The following CTNNBIP1 variants were observed in gnomAD, a reference collection of about 807,000 sequenced individuals.
The protein encoded by CTNNBIP1 is catenin beta interacting protein 1.
A neutral mutation model predicts 11.8 loss-of-function variants in CTNNBIP1; 7 were observed. That is an observed-to-expected ratio of 0.60 (90% CI 0.34 to 1.12). The LOEUF (loss-of-function observed/expected upper bound fraction) is 1.12. Among genes scored for constraint, CTNNBIP1 ranks in the 50% most tolerant of loss-of-function variants. The probability of loss-of-function intolerance (pLI) is 0.03; values close to 1 mark genes in which losing one functional copy is unlikely to be tolerated. For missense variants in CTNNBIP1, 101 were observed against 113.4 expected, an observed-to-expected ratio of 0.89 and a Z score of 0.50; for synonymous variants, 58 against 43.9, an observed-to-expected ratio of 1.32 and a Z score of -1.26.
chr1:9,884,109 G>A (rs962305426), intron 1 of CTNNBIP1, among the ~76,000 whole-genome samples: 21 of 152,136 alleles, frequency 1.4e-4, no homozygotes, highest in African/African-American at 2.4e-5. Flanking sequence ...CTGTGGCTGG[G>A]CCTGTAGGCA....
At chr1:9,870,256 T>C (rs1638833619) in intron 5 of CTNNBIP1, among the ~76,000 whole-genome samples, 2 of 152,204 alleles carry the variant, frequency 1.3e-5, no homozygotes, top group Non-Finnish European at 2.9e-5. Context: ...GGTTGTAATA[T>C]TTCATGGCCA....
intron 5 of CTNNBIP1, among the ~76,000 whole-genome samples, chr1:9,864,469 C>T (rs2101461991): frequency 6.6e-6 from 1 of 152,376 alleles, no homozygotes; most frequent in Admixed American, 6.5e-5. Context: ...GCCAGGACTA[C>T]AGGCGCCCGC....
chr1:9,877,667 G>A (rs953120648), intron 3 of CTNNBIP1, among the ~76,000 whole-genome samples: 1 of 152,062 alleles, frequency 6.6e-6, no homozygotes, highest in Non-Finnish European at 1.5e-5. Flanking sequence ...GAGCTTATAT[G>A]AAATATTATC....
chr1:9,867,689 AC>A lies in CTNNBIP1; in HGVS notation c.187+3497del, dbSNP rs1056018864. Among the ~76,000 whole-genome samples, 1 of 152,118 alleles carries A rather than the reference AC, an allele frequency of 6.6e-6. No homozygotes were observed. Among genetic ancestry groups the A allele is most frequent in the African/African-American group, 2.4e-5 (1 of 41,406 alleles). ...GGCAGGAGGTGCACGCCAGGCCATT[AC>A]CCACAGGCTCCAGGCCTTTGGGGTT... On this transcript the variant is annotated intron_variant, in intron 5 of 5. Transcript: ENST00000377263. This position sits in a 1 kb window ranked among gnomAD's most constrained non-coding sequence, Gnocchi z 4.6.
Position 9,850,576 on chromosome 1 carries a change from G to A in CTNNBIP1, c.*142C>T, listed in dbSNP as rs898145258. The A allele has an allele frequency of 8.5e-6, 6 of 707,538 alleles. No homozygotes were observed. Among genetic ancestry groups the A allele is most frequent in the African/African-American group, 6.9e-5 (4 of 57,782 alleles). 43.8% of individuals were successfully genotyped at this position (707,538 alleles called of 1,614,324 possible). On this transcript the variant is annotated 3_prime_UTR_variant, in exon 6 of 6. Coordinates refer to ENST00000377263, the MANE Select transcript of CTNNBIP1 (RefSeq NM_020248.3). ...TTGATGCCAGCCCCACTGAGTAGCT[G>A]TGAGGTGGGGTGGGGCAGGGCAGGG...
rs1638869832 is a variant in CTNNBIP1 at position 9,871,877 on chromosome 1, C to T, written c.96+92G>A. ...AGCCCGTGGCTCCGCAGGAGGCAGCCGCAGTGGCTCCACCCTCCAATAGCC... is the reference window on the plus strand; with the variant it reads ...AGCCCGTGGCTCCGCAGGAGGCAGCTGCAGTGGCTCCACCCTCCAATAGCC... On this transcript the variant is annotated intron_variant, in intron 4 of 5. Transcript: ENST00000377263. The surrounding 1 kb of genome is among the most constrained non-coding windows in gnomAD (Gnocchi z 5.2). 18 of 1,131,560 alleles carry T rather than the reference C, an allele frequency of 1.6e-5. No individual in the cohort carries two copies. The highest frequency in any genetic ancestry group is 5.1e-5 in the South Asian group (4 of 78,636). The allele number at this position is 1,131,560 out of a possible 1,614,324, so 70.1% of individuals were successfully genotyped here. A position where few individuals can be genotyped will look rare whatever the true frequency, so the allele number is the denominator to read the frequency against.
intron 1 of CTNNBIP1, among the ~76,000 whole-genome samples, chr1:9,902,267 T>C (rs1379595035): frequency 6.6e-6 from 1 of 152,152 alleles, no homozygotes; most frequent in Non-Finnish European, 1.5e-5. Context: ...AAGAGAACTC[T>C]GCAGAGACAA....
At chr1:9,869,906 G>A (rs760251939) in intron 5 of CTNNBIP1, among the ~76,000 whole-genome samples, 7 of 152,216 alleles carry the variant, frequency 4.6e-5, no homozygotes, top group Non-Finnish European at 1.0e-4. Context: ...CCCAGGATGG[G>A]GCGGGAGCCG....
chr1:9,889,503 T>C (rs1160256004), intron 1 of CTNNBIP1, among the ~76,000 whole-genome samples: 1 of 152,188 alleles, frequency 6.6e-6, no homozygotes, highest in African/African-American at 2.4e-5. Flanking sequence ...GCATCTGCTA[T>C]GCTTTCCACC....
At chr1:9,897,441 G>A (rs552602722) in intron 1 of CTNNBIP1, among the ~76,000 whole-genome samples, 103 of 149,392 alleles carry the variant, frequency 6.9e-4, no homozygotes, top group Non-Finnish European at 1.0e-3. Context: ...GCCACAGAGC[G>A]AGACTCCGTC....
At chr1:9,875,378 A>C (rs992479379) in intron 3 of CTNNBIP1, among the ~76,000 whole-genome samples, 6 of 152,138 alleles carry the variant, frequency 3.9e-5, no homozygotes, top group Non-Finnish European at 8.8e-5. Flanking sequence ...CATATCAAAG[A>C]CTGCTTCCAT....
At chr1:9,909,517 G>A (rs1451424243) in intron 1 of CTNNBIP1, among the ~76,000 whole-genome samples, 1 of 152,100 alleles carries the variant, frequency 6.6e-6, no homozygotes, top group Non-Finnish European at 1.5e-5. Context: ...TGGTTGGGGT[G>A]GGGTGATGAA....
intron 1 of CTNNBIP1, among the ~76,000 whole-genome samples, chr1:9,884,244 C>T (rs1392376666): frequency 2.0e-5 from 3 of 152,146 alleles, no homozygotes; most frequent in Non-Finnish European, 2.9e-5. Context: ...GCTCCAGGCA[C>T]ACTCCCCAGC....
chr1:9,906,749 A>C (rs1158976279), intron 1 of CTNNBIP1, among the ~76,000 whole-genome samples: 1 of 152,164 alleles, frequency 6.6e-6, no homozygotes, highest in Non-Finnish European at 1.5e-5. Flanking sequence ...TGCACCCTGG[A>C]TGAGGAGTCT....
intron 5 of CTNNBIP1, among the ~76,000 whole-genome samples, chr1:9,870,984 G>A (rs1447474430): frequency 6.6e-6 from 1 of 152,218 alleles, no homozygotes; most frequent in East Asian, 1.9e-4. Flanking sequence ...TCCCACCTGA[G>A]GAAGGAGATG....
rs893624019 is a variant in CTNNBIP1, at chr1:9,849,843, C to T, written c.*875G>A. ...GCACATAAATCCCGCCTAACGGTTA[C>T]CTCTAGGCCCTGGGCTGCTCGTTCA... is the stretch of plus-strand genomic sequence containing the variant. On this transcript the variant is annotated 3_prime_UTR_variant, in exon 6 of 6. Coordinates refer to ENST00000377263, the MANE Select transcript of CTNNBIP1 (RefSeq NM_020248.3). The T allele has an allele frequency of 1.3e-5, 2 of 152,206 alleles. No homozygotes were observed. The highest frequency in any genetic ancestry group is 2.9e-5 in the Non-Finnish European group (2 of 68,068). The allele number at this position is 152,206 out of a possible 1,614,324, so 9.4% of individuals were successfully genotyped here. A position where few individuals can be genotyped will look rare whatever the true frequency, so the allele number is the denominator to read the frequency against.
intron 1 of CTNNBIP1, among the ~76,000 whole-genome samples, chr1:9,885,732 T>C (rs571029260): frequency 1.3e-5 from 2 of 151,644 alleles, no homozygotes; most frequent in African/African-American, 2.4e-5. Flanking sequence ...TCACCTGAGG[T>C]TGGGAGTTCA....
At chr1:9,885,847 G>A (rs1281791324) in intron 1 of CTNNBIP1, among the ~76,000 whole-genome samples, 1 of 151,428 alleles carries the variant, frequency 6.6e-6, no homozygotes, top group Admixed American at 6.6e-5. Flanking sequence ...CAGGAGAATC[G>A]CTTGAATCTG....
At chr1:9,909,366 C>A (rs1225269906) in intron 1 of CTNNBIP1, among the ~76,000 whole-genome samples, 3 of 152,200 alleles carry the variant, frequency 2.0e-5, no homozygotes, top group Non-Finnish European at 4.4e-5. Context: ...CGGCCCCCGC[C>A]GCCTTCCCAG....
Sources: gnomAD v4.1 joint callset for allele counts (sites outside exome capture counted in the v4.1 genomes callset) on GRCh38, gnomAD v4.1.1 for gene constraint, Gnocchi (gnomAD v3.1) non-coding constraint, MANE v1.5 for transcripts, NCBI Gene and HGNC (gene_info 2026-07-23, HGNC 2026-07-21) for gene names.